The following GABPB1 variants were observed in gnomAD, a reference collection of about 807,000 sequenced individuals.
The protein encoded by GABPB1 is GA-binding protein subunit beta-1.
GABPB1 carries 15 observed loss-of-function variants against 45.9 expected under a neutral mutation model. The ratio of observed to expected loss-of-function variants is 0.33; its 90% CI spans 0.22 to 0.50. The LOEUF (loss-of-function observed/expected upper bound fraction) is 0.50, where lower values mean the gene tolerates loss of function less well. Among genes scored for constraint, GABPB1 ranks in the 20% least tolerant of loss-of-function variants. The pLI, the probability that GABPB1 is intolerant of heterozygous loss-of-function variation, is 0.98. For synonymous variants in GABPB1, 143 were observed against 154.4 expected, an observed-to-expected ratio of 0.93 and a Z score of 0.55; for missense variants, 252 against 457.5, an observed-to-expected ratio of 0.55 and a Z score of 4.10.
At chr15:50,319,155 G>A (rs1381201433) in intron 1 of GABPB1, among the ~76,000 whole-genome samples, 1 of 152,214 alleles carries the variant, frequency 6.6e-6, no homozygotes, top group Non-Finnish European at 1.5e-5. Flanking sequence ...TCATAAAATG[G>A]AGACCTCTGG....
At chr15:50,327,568 T>C (rs1399452786) in intron 1 of GABPB1, among the ~76,000 whole-genome samples, 1 of 152,154 alleles carries the variant, frequency 6.6e-6, no homozygotes, top group Non-Finnish European at 1.5e-5. Context: ...TCCCCACCAA[T>C]ACAATCATTC....
chr15:50,337,129 A>ATATAT (rs1173961008), intron 1 of GABPB1, among the ~76,000 whole-genome samples: 331 of 10,338 alleles, frequency 0.032, 16 homozygotes, highest in East Asian at 0.053. Flanking sequence ...ATATATATAT[A>ATATAT]ATATGAAGAG....
chr15:50,325,387 G>A (rs935819677), intron 1 of GABPB1, among the ~76,000 whole-genome samples: 17 of 151,340 alleles, frequency 1.1e-4, no homozygotes, highest in African/African-American at 3.9e-4. Context: ...TGACCCAGGT[G>A]CAAATCTCGT....
intron 1 of GABPB1, among the ~76,000 whole-genome samples, chr15:50,315,784 T>TA (rs2047304933): frequency 6.6e-6 from 1 of 152,136 alleles, no homozygotes; most frequent in South Asian, 2.1e-4. Flanking sequence ...ATCTATATAT[T>TA]AAAATTCTGG....
chr15:50,347,606 G>A (rs1278902902), intron 1 of GABPB1: 2 of 152,068 alleles, frequency 1.3e-5, no homozygotes, highest in African/African-American at 2.4e-5. Context: ...GGAGTCAGAA[G>A]GGGCTATACA....
intron 8 of GABPB1, among the ~76,000 whole-genome samples, chr15:50,285,177 C>T (rs2046111635): frequency 6.6e-6 from 1 of 152,100 alleles, no homozygotes; most frequent in African/African-American, 2.4e-5. Context: ...ACTACAAACA[C>T]GTATCAGATA....
intron 6 of GABPB1, among the ~76,000 whole-genome samples, chr15:50,295,931 A>G (rs1342013487): frequency 6.6e-6 from 1 of 152,218 alleles, no homozygotes; most frequent in Non-Finnish European, 1.5e-5. Flanking sequence ...CAATGAAAAT[A>G]TTATAATAGA....
At chr15:50,307,489 G>T (rs2046988016) in intron 2 of GABPB1, among the ~76,000 whole-genome samples, 1 of 152,004 alleles carries the variant, frequency 6.6e-6, no homozygotes, top group Non-Finnish European at 1.5e-5. Flanking sequence ...TGATCACGGG[G>T]TCAGGAGTTC....
At chr15:50,346,587 G>GTTTTTTTTTTTTTTTTTTTTTTTTTTTTT (rs67151288) in intron 1 of GABPB1, among the ~76,000 whole-genome samples, 1 of 119,906 alleles carries the variant, frequency 8.3e-6, no homozygotes. Flanking sequence ...ACAACAGAAA[G>GTTTTTTTTTTTTTTTTTTTTTTTTTTTTT]TTTTTTTTTT....
intron 1 of GABPB1, among the ~76,000 whole-genome samples, chr15:50,323,157 ACC>A (rs773982641): frequency 2.6e-5 from 4 of 152,112 alleles, no homozygotes; most frequent in Admixed American, 6.5e-5. Flanking sequence ...GGTCACTTGA[ACC>A]TAGGAGTTTG....
chr15:50,278,713 T>G lies in GABPB1; in HGVS notation c.1071A>C (p.Leu357=), dbSNP rs770561018. Residue 357 remains leucine, a synonymous_variant, in exon 9 of 9, where the codon CTA becomes CTC. Transcript: ENST00000380877. ...AGGCCTCTGCTTCCTGTTCTTTCTTTAGGAGCTGCTGTCGATATTTTTGTG... is the reference window on the plus strand; with the variant it reads ...AGGCCTCTGCTTCCTGTTCTTTCTTGAGGAGCTGCTGTCGATATTTTTGTG... ...REAQKYRQQL[L]KKEQEAEAYR... 3 of 1,613,838 alleles carry G rather than the reference T, an allele frequency of 1.9e-6. No individual in the cohort carries two copies. Among genetic ancestry groups the G allele is most frequent in the Non-Finnish European group, 2.5e-6 (3 of 1,179,838 alleles).
At chr15:50,325,445 A>G (rs1420587589) in intron 1 of GABPB1, among the ~76,000 whole-genome samples, 1 of 151,968 alleles carries the variant, frequency 6.6e-6, no homozygotes, top group Non-Finnish European at 1.5e-5. Flanking sequence ...GGAGCAATCA[A>G]TGACAAAAAA....
intron 2 of GABPB1, among the ~76,000 whole-genome samples, chr15:50,307,544 T>C (rs1001829888): frequency 2.6e-5 from 4 of 151,932 alleles, no homozygotes; most frequent in African/African-American, 9.7e-5. Flanking sequence ...CTACTAAAAA[T>C]ACAAAACATT....
chr15:50,324,029 C>CT (rs1292309672), intron 1 of GABPB1, among the ~76,000 whole-genome samples: 42 of 152,248 alleles, frequency 2.8e-4, no homozygotes, highest in Admixed American at 2.7e-3. Flanking sequence ...TGGCAAAACT[C>CT]TATCTCTACA....
chr15:50,296,560 T>C (rs6493427), intron 6 of GABPB1, among the ~76,000 whole-genome samples: 99,157 of 152,018 alleles, frequency 0.65, 33,675 homozygotes, highest in African/African-American at 0.83. Flanking sequence ...GTCACAGACA[T>C]ATACCTTGGG....
At chr15:50,283,009 C>T (rs542106250) in intron 8 of GABPB1, among the ~76,000 whole-genome samples, 3 of 152,162 alleles carry the variant, frequency 2.0e-5, no homozygotes, top group Non-Finnish European at 4.4e-5. Context: ...GAGCTGAGAT[C>T]GCAGCACTGC....
chr15:50,299,357 A>C, intron 6 of GABPB1, among the ~76,000 whole-genome samples: 1 of 152,244 alleles, frequency 6.6e-6, no homozygotes, highest in Non-Finnish European at 1.5e-5. Flanking sequence ...TGTATAAACC[A>C]AATGTTCATG....
intron 2 of GABPB1, among the ~76,000 whole-genome samples, chr15:50,309,406 T>A (rs1376026025): frequency 1.3e-5 from 2 of 152,188 alleles, no homozygotes; most frequent in African/African-American, 4.8e-5. Flanking sequence ...GGCCTTTAAA[T>A]TAAATCCCAA....
rs763762062 is a variant in GABPB1, at chr15:50,278,781, TCTC to T, written c.1000_1002del (p.Glu334del). 45 of 1,584,994 alleles carry T rather than the reference TCTC, an allele frequency of 2.8e-5. No homozygotes were observed. The African/African-American group carries it at 6.2e-4, about 22-fold the overall frequency. On this transcript the variant is annotated inframe_deletion and splice_region_variant, in exon 9 of 9. Transcript: ENST00000380877. ...TCCAGCTGTTTCTGAAGAGCTTCTCTCTCCTAATTAAAAGAAGAGGGTTTTTTT... is the reference window on the plus strand; with the variant it reads ...TCCAGCTGTTTCTGAAGAGCTTCTCTCTAATTAAAAGAAGAGGGTTTTTTT...
Sources: allele counts gnomAD v4.1 joint callset (sites outside exome capture counted in the v4.1 genomes callset), GRCh38; gene constraint gnomAD v4.1.1; transcripts MANE v1.5; gene names NCBI Gene and HGNC (gene_info 2026-07-23, HGNC 2026-07-21).